The following PIK3CD variants were observed in gnomAD, a reference collection of about 807,000 sequenced individuals.
PIK3CD encodes phosphatidylinositol-4,5-bisphosphate 3-kinase catalytic subunit delta, also known as phosphatidylinositol 4,5-bisphosphate 3-kinase catalytic subunit delta isoform.
Under a neutral mutation model 122.9 loss-of-function variants are expected in PIK3CD, and 20 were observed. The ratio of observed to expected loss-of-function variants is 0.16; its 90% CI spans 0.11 to 0.24. PIK3CD has a LOEUF of 0.24. Among genes scored for constraint, PIK3CD ranks in the 10% least tolerant of loss-of-function variants. The pLI is 1.00. For missense variants in PIK3CD, 787 were observed against 1,406.3 expected, an observed-to-expected ratio of 0.56 and a Z score of 7.04; for synonymous variants, 596 against 593.4, an observed-to-expected ratio of 1.00 and a Z score of -0.06.
Position 9,728,369 on chromosome 1 carries a change from C to T in PIK3CD, c.*1323C>T, listed in dbSNP as rs987207746. 2 of 152,194 alleles carry T rather than the reference C, an allele frequency of 1.3e-5. No homozygotes were observed. The highest frequency in any genetic ancestry group is 4.8e-5 in the African/African-American group (2 of 41,380). The allele number at this position is 152,194 out of a possible 1,614,324, so 9.4% of individuals were successfully genotyped here. A position where few individuals can be genotyped will look rare whatever the true frequency, so the allele number is the denominator to read the frequency against. On this transcript the variant is annotated 3_prime_UTR_variant, in exon 24 of 24. Coordinates refer to ENST00000377346, the MANE Select transcript of PIK3CD (RefSeq NM_005026.5). The stretch of plus-strand genomic sequence containing the variant: ...AGGGCTTCTCCCAGCCTTCAGAAGC[C>T]AACTAACTCTGCAGATGGGGCTAGG...
intron 1 of PIK3CD, among the ~76,000 whole-genome samples, chr1:9,672,914 A>G (rs900199687): frequency 2.0e-5 from 3 of 152,108 alleles, no homozygotes; most frequent in Non-Finnish European, 2.9e-5. Flanking sequence ...AGAAGCTGCT[A>G]TGGATGCCAG....
intron 16 of PIK3CD, 48 bp downstream of exon 16, chr1:9,721,908 C>T: frequency 6.2e-7 from 1 of 1,612,176 alleles, no homozygotes; most frequent in South Asian, 1.1e-5. Flanking sequence ...CCCTGAGCGT[C>T]TGGGAATCCC....
chr1:9,677,374 G>A (rs1177830203), intron 1 of PIK3CD, among the ~76,000 whole-genome samples: 2 of 152,118 alleles, frequency 1.3e-5, no homozygotes, highest in African/African-American at 2.4e-5. Context: ...GACCAGGTGC[G>A]GTGGCTCACG....
chr1:9,678,277 C>G (rs1225433055), intron 1 of PIK3CD, among the ~76,000 whole-genome samples: 3 of 152,014 alleles, frequency 2.0e-5, no homozygotes, highest in African/African-American at 4.8e-5. Context: ...TAGGGAAACC[C>G]TGTGTCTACA....
In PIK3CD at chr1:9,702,698, T is replaced by C. The variant is rs564920242; in HGVS notation, c.-32-7726T>C. Among the ~76,000 whole-genome samples, 8 of 151,444 alleles carry C rather than the reference T, an allele frequency of 5.3e-5. No individual in the cohort carries two copies. In the South Asian group the frequency reaches 1.7e-3, roughly 32 times the overall value. On this transcript the variant is annotated intron_variant, in intron 2 of 23. Transcript: ENST00000377346. The stretch of plus-strand genomic sequence containing the variant: ...ACCATGCCCGGCTAACTTTTGTATT[T>C]TTAGTAGAGACGGGGTTTCACCATG...
upstream of PIK3CD, among the ~76,000 whole-genome samples, chr1:9,649,124 A>AAACAAACAAAC (rs1342491468): frequency 7.2e-5 from 7 of 97,624 alleles, no homozygotes; most frequent in East Asian, 2.9e-3. Flanking sequence ...AACAAACAAA[A>AAACAAACAAAC]AAAGCAAAAA....
chr1:9,656,446 T>C (rs931001477), intron 1 of PIK3CD, among the ~76,000 whole-genome samples: 5 of 152,208 alleles, frequency 3.3e-5, no homozygotes, highest in Admixed American at 3.3e-4. Flanking sequence ...GTTAACCTCC[T>C]GTGGTTGCTG....
chr1:9,710,493 C>A lies in PIK3CD; in HGVS notation c.38C>A (p.Thr13Asn). Residue 13 changes from threonine to asparagine, a missense_variant, in exon 3 of 24, where the codon ACC (threonine) becomes AAC (asparagine). By Grantham distance (65) the Thr-to-Asn change is moderately conservative (BLOSUM62 0). Around this residue, in one of 6 missense-constraint regions of PIK3CD, gnomAD observed 592 missense variants for 920.6 expected, o/e 0.64. Coordinates refer to ENST00000377346, the MANE Select transcript of PIK3CD (RefSeq NM_005026.5). This position sits in a 1 kb window ranked among gnomAD's most constrained non-coding sequence, Gnocchi z 4.7. Reference protein sequence around the residue: ...PGVDCPMEFWTKEENQSVVVD... With the variant: ...PGVDCPMEFWNKEENQSVVVD... ...GTGGACTGCCCCATGGAATTCTGGACCAAGGAGGAGAATCAGAGCGTTGTG... is the reference window on the plus strand; with the variant it reads ...GTGGACTGCCCCATGGAATTCTGGAACAAGGAGGAGAATCAGAGCGTTGTG... The A allele has an allele frequency of 6.2e-7, 1 of 1,614,080 alleles. No homozygotes were observed. Among genetic ancestry groups the A allele is most frequent in the Middle Eastern group, 1.7e-4 (1 of 6,060 alleles).
chr1:9,721,914 A>T (rs1011452658), intron 16 of PIK3CD, 54 bp downstream of exon 16: 29 of 1,612,330 alleles, frequency 1.8e-5, no homozygotes, highest in African/African-American at 4.0e-5. Flanking sequence ...GCGTCTGGGA[A>T]TCCCCAGGGC....
rs1649144012 is a variant in PIK3CD at position 9,724,251 on chromosome 1, T to C, written c.2719-25T>C. Reference sequence around the variant, plus strand: ...CTCCTGTCTGACACCTTCTCAATCCTCCCCCTCCTCTCCCCTCCCCTCAGC... The same window carrying C: ...CTCCTGTCTGACACCTTCTCAATCCCCCCCCTCCTCTCCCCTCCCCTCAGC... On this transcript the variant is annotated intron_variant, in intron 21 of 23. Transcript: ENST00000377346. The surrounding 1 kb of genome is among the most constrained non-coding windows in gnomAD (Gnocchi z 7.3). The C allele has an allele frequency of 6.2e-7, 1 of 1,613,568 alleles. No homozygotes were observed.
At chr1:9,686,904 A>G (rs538407211) in intron 1 of PIK3CD, among the ~76,000 whole-genome samples, 7 of 152,248 alleles carry the variant, frequency 4.6e-5, no homozygotes, top group Admixed American at 2.6e-4. Context: ...GAGATTTTCC[A>G]TGCATCTGTA....
chr1:9,726,464 A>G (rs111844256), intron 23 of PIK3CD, among the ~76,000 whole-genome samples: 11 of 152,278 alleles, frequency 7.2e-5, no homozygotes, highest in African/African-American at 2.4e-4. Flanking sequence ...AGCCGAGATC[A>G]TGCCCCTGCA....
chr1:9,719,323 T>C lies in PIK3CD; in HGVS notation c.1242+408T>C, dbSNP rs1052403749. On this transcript the variant is annotated intron_variant, in intron 9 of 23. Transcript: ENST00000377346. The surrounding 1 kb of genome is among the most constrained non-coding windows in gnomAD (Gnocchi z 5.5). Reference sequence around the variant, plus strand: ...GGAGCTGACTCACTCCGAGCTGAGCTGGGCTGGCCTCTGGGGCTGGGCTGT... The same window carrying C: ...GGAGCTGACTCACTCCGAGCTGAGCCGGGCTGGCCTCTGGGGCTGGGCTGT... 2.6e-5 allele frequency among the ~76,000 whole-genome samples: 4 copies of C among 152,098 alleles called. No individual in the cohort carries two copies. Among genetic ancestry groups the C allele is most frequent in the African/African-American group, 9.7e-5 (4 of 41,402 alleles).
rs544936493 is a variant in PIK3CD at position 9,691,530 on chromosome 1, C to T, written c.-74C>T. 47 of 398,234 alleles carry T rather than the reference C, an allele frequency of 1.2e-4. 1 individual carries two copies. Among genetic ancestry groups the T allele is most frequent in the East Asian group, 1.0e-3 (29 of 28,082 alleles). 24.7% of individuals were successfully genotyped at this position (398,234 alleles called of 1,614,324 possible). A position where few individuals can be genotyped will look rare whatever the true frequency, so the allele number is the denominator to read the frequency against. On this transcript the variant is annotated 5_prime_UTR_variant, in exon 2 of 24. Transcript: ENST00000377346. ...TCTAAAGCATCTTTAATCTGCCAGGCGGAGGGGGCTTTGCTGGTCTTTCTT... is the reference window on the plus strand; with the variant it reads ...TCTAAAGCATCTTTAATCTGCCAGGTGGAGGGGGCTTTGCTGGTCTTTCTT...
chr1:9,681,722 T>A (rs2100244600), intron 1 of PIK3CD, among the ~76,000 whole-genome samples: 1 of 152,334 alleles, frequency 6.6e-6, no homozygotes, highest in Admixed American at 6.5e-5. Flanking sequence ...GATTCTTTTA[T>A]AATCTAATGT....
At chr1:9,697,435 T>G (rs1356153886) in intron 2 of PIK3CD, among the ~76,000 whole-genome samples, 1 of 151,896 alleles carries the variant, frequency 6.6e-6, no homozygotes, top group African/African-American at 2.4e-5. Flanking sequence ...GGCTCATGCC[T>G]GTAATCCCAG....
upstream of PIK3CD, among the ~76,000 whole-genome samples, chr1:9,649,318 C>T (rs1265493030): frequency 1.3e-5 from 2 of 151,844 alleles, no homozygotes; most frequent in Non-Finnish European, 2.9e-5. Context: ...GCAGTCTCAA[C>T]CTCCAGGGCT....
Position 9,699,306 on chromosome 1 carries a change from G to A in PIK3CD, c.-33+7735G>A, listed in dbSNP as rs919593177. On this transcript the variant is annotated intron_variant, in intron 2 of 23. Transcript: ENST00000377346. ...TCCCCTCATCAACCCAGCCCTGCCA[G>A]CTCTTGCTGTACATGTCCTGCACAC... Among the ~76,000 whole-genome samples the A allele has an allele frequency of 2.6e-5, 4 of 152,184 alleles. No homozygotes were observed. In the East Asian group the frequency reaches 7.7e-4, roughly 29 times the overall value.
At position 9,715,718 on chromosome 1, in the gene PIK3CD, G is replaced by A. The variant is rs759579609; in HGVS notation, c.319G>A (p.Asp107Asn). The change falls in exon 4 of 24, where the codon GAC becomes AAC. Residue 107 changes from aspartate (D) to asparagine (N), a missense_variant. Transcript: ENST00000377346. The surrounding 1 kb of genome is among the most constrained non-coding windows in gnomAD (Gnocchi z 4.1). ...CCTGCGCCTGGTGGCCCGTGAGGGCGACCGCGTGAAGAAGCTCATCAACTC... is the reference window on the plus strand; with the variant it reads ...CCTGCGCCTGGTGGCCCGTGAGGGCAACCGCGTGAAGAAGCTCATCAACTC... ...PVLRLVAREG[D>N]RVKKLINSQI... 6.8e-6 allele frequency: 11 copies of A among 1,613,492 alleles called. No individual in the cohort carries two copies. The highest frequency in any genetic ancestry group is 2.2e-5 in the East Asian group (1 of 44,884).
Sources: allele counts gnomAD v4.1 joint callset (sites outside exome capture counted in the v4.1 genomes callset), GRCh38; gene constraint gnomAD v4.1.1; regional missense constraint gnomAD v4.1.1; non-coding constraint Gnocchi (gnomAD v3.1); transcripts MANE v1.5; gene names NCBI Gene and HGNC (gene_info 2026-07-23, HGNC 2026-07-21).